SLC19A1: variants seen among roughly 807,000 people sequenced by gnomAD.
The protein encoded by SLC19A1 is reduced folate transporter.
Under a neutral mutation model 35.3 loss-of-function variants are expected in SLC19A1, and 37 were observed. That is an observed-to-expected ratio of 1.05 (90% confidence interval 0.81 to 1.38). SLC19A1 has a LOEUF of 1.38. Ranked by LOEUF, SLC19A1 falls within the 40% of genes most tolerant of loss-of-function variation. The pLI is 0.00. For synonymous variants in SLC19A1, 460 were observed against 398.5 expected (o/e 1.15, Z -1.84); for missense variants, 831 against 826.9 (o/e 1.00, Z -0.06).
chr21:45,531,332 C>G (rs56337621), intron 3 of SLC19A1, 57 bp downstream of exon 3: 41 of 1,499,152 alleles, frequency 2.7e-5, no homozygotes, highest in African/African-American at 1.4e-4. Context: ...ACGGGGCAGG[C>G]GGAGGTGGAC....
At chr21:45,510,982 A>AT, downstream of SLC19A1, 5 of 14,392 alleles carry the variant, frequency 3.5e-4, 1 homozygote, top group Admixed American at 1.0e-3. Context: ...AACACCCCCC[A>AT]CACCCCACAC....
downstream of SLC19A1, among the ~76,000 whole-genome samples, chr21:45,511,788 G>A (rs894057233): frequency 6.6e-6 from 1 of 152,192 alleles, no homozygotes; most frequent in African/African-American, 2.4e-5. Context: ...ACCTGCCAAG[G>A]GTCTCTGACA....
intron 3 of SLC19A1, chr21:45,504,678 G>A: frequency 1.2e-6 from 1 of 826,972 alleles, no homozygotes; most frequent in Non-Finnish European, 1.9e-6. Context: ...AAGCTCAGCA[G>A]CCCCGACATG....
In SLC19A1 at chr21:45,517,133, G is replaced by A. The variant is rs773702782; in HGVS notation, c.1294-993C>T. ...GCCACGCAAGGACAGACTGTGCCACGCAGAGCTCCCTGGGGGCTTTTCTTT... is the reference window on the plus strand; with the variant it reads ...GCCACGCAAGGACAGACTGTGCCACACAGAGCTCCCTGGGGGCTTTTCTTT... On this transcript the variant is annotated intron_variant, in intron 5 of 5. Coordinates refer to ENST00000311124, the MANE Select transcript of SLC19A1 (RefSeq NM_194255.4). This position sits in a 1 kb window ranked among gnomAD's most constrained non-coding sequence, Gnocchi z 4.4. Among the ~76,000 whole-genome samples, 6 of 152,162 alleles carry A rather than the reference G, an allele frequency of 3.9e-5. No individual in the cohort carries two copies. Among genetic ancestry groups the A allele is most frequent in the South Asian group, 2.1e-4 (1 of 4,828 alleles).
upstream of SLC19A1, among the ~76,000 whole-genome samples, chr21:45,545,653 A>C (rs2078406843): frequency 6.7e-6 from 1 of 149,298 alleles, no homozygotes. Flanking sequence ...GTAAACATAC[A>C]GACATACACA....
chr21:45,505,812 C>A, intron 3 of SLC19A1: 1 of 1,588,374 alleles, frequency 6.3e-7, no homozygotes, highest in South Asian at 1.1e-5. Flanking sequence ...CGCCAAGCCC[C>A]ACACCTCTGC....
intron 1 of SLC19A1, among the ~76,000 whole-genome samples, chr21:45,554,861 G>A (rs1353986387): frequency 6.6e-6 from 1 of 151,868 alleles, no homozygotes; most frequent in African/African-American, 2.4e-5. Context: ...CAGATTCATT[G>A]AGTCCCAGCA....
downstream of SLC19A1, chr21:45,511,073 CACACACCACACACACAT>C: frequency 2.2e-6 from 2 of 900,438 alleles, no homozygotes. Flanking sequence ...TCCACACCCC[CACACACCACACACACAT>C]ACACACGGTT....
At chr21:45,505,538 C>A in intron 3 of SLC19A1, 1 of 725,022 alleles carries the variant, frequency 1.4e-6, no homozygotes, top group Non-Finnish European at 2.4e-6. Context: ...GGGAGATATA[C>A]AGGAGGCCAA....
At chr21:45,518,872 A>G (rs1463985735) in intron 5 of SLC19A1, among the ~76,000 whole-genome samples, 4 of 152,222 alleles carry the variant, frequency 2.6e-5, no homozygotes, top group Admixed American at 2.6e-4. Context: ...AAACAAACAA[A>G]AAACAAGTTC....
chr21:45,550,403 A>G (rs2078453826), intron 1 of SLC19A1, among the ~76,000 whole-genome samples: 1 of 151,980 alleles, frequency 6.6e-6, no homozygotes, highest in South Asian at 2.1e-4. Flanking sequence ...CCTTCTTCCC[A>G]TGGGCCACCT....
At chr21:45,559,265 T>C (rs2078592500) in intron 1 of SLC19A1, among the ~76,000 whole-genome samples, 1 of 152,192 alleles carries the variant, frequency 6.6e-6, no homozygotes, top group South Asian at 2.1e-4. Context: ...CTCAGCTGTG[T>C]GGAAACATCG....
intron 2 of SLC19A1, among the ~76,000 whole-genome samples, chr21:45,532,980 G>C (rs1337141962): frequency 2.0e-5 from 3 of 152,214 alleles, no homozygotes; most frequent in African/African-American, 7.2e-5. Flanking sequence ...GGGAAAGAGA[G>C]GAAGTGGGGT....
upstream of SLC19A1, among the ~76,000 whole-genome samples, chr21:45,545,543 A>G (rs2078405255): frequency 6.6e-6 from 1 of 152,066 alleles, no homozygotes; most frequent in African/African-American, 2.4e-5. Flanking sequence ...TCTTTATGAT[A>G]CCCAGTCTCT....
rs148212431 is a variant in SLC19A1, at chr21:45,520,791, C to T, written c.1294-4651G>A. Among the ~76,000 whole-genome samples the T allele has an allele frequency of 4.0e-3, 608 of 152,198 alleles. 3 individuals are homozygous for T. The highest frequency in any genetic ancestry group is 0.014 in the African/African-American group (574 of 41,540). On this transcript the variant is annotated intron_variant, in intron 5 of 5. Transcript: ENST00000311124. ...ACCCCAGCACTTTGGGAGGCTGAGG[C>T]GGGTGGATCACCTGAGGTCCAGAGT... is the stretch of plus-strand genomic sequence containing the variant.
chr21:45,505,723 C>A, intron 3 of SLC19A1: 2 of 881,124 alleles, frequency 2.3e-6, no homozygotes, highest in East Asian at 2.6e-5. Flanking sequence ...TCAGTCCACA[C>A]CTGTCCAAAG....
At chr21:45,504,006 T>A in intron 3 of SLC19A1, 7 of 1,613,596 alleles carry the variant, frequency 4.3e-6, no homozygotes, top group Non-Finnish European at 5.9e-6. Flanking sequence ...GTCTCTCTCT[T>A]GCAGGGCAGT....
At chr21:45,529,606 TGTCCATGTGTGAAC>T (rs1320700920) in intron 4 of SLC19A1, among the ~76,000 whole-genome samples, 4 of 24,116 alleles carry the variant, frequency 1.7e-4, no homozygotes, top group African/African-American at 2.6e-4. Flanking sequence ...TGTGAGCGTG[TGTCCATGTGTGAAC>T]GTGTCCATGT....
chr21:45,504,381 C>T, intron 3 of SLC19A1: 1 of 1,601,570 alleles, frequency 6.2e-7, no homozygotes. Flanking sequence ...TGTAGGGGTT[C>T]AGGGCTCCCG....
Sources: gnomAD v4.1 joint callset for allele counts (sites outside exome capture counted in the v4.1 genomes callset) on GRCh38, gnomAD v4.1.1 for gene constraint, Gnocchi (gnomAD v3.1) non-coding constraint, MANE v1.5 for transcripts, NCBI Gene and HGNC (gene_info 2026-07-23, HGNC 2026-07-21) for gene names.